The following OCA2 variants were observed in gnomAD, a reference collection of about 807,000 sequenced individuals.
The protein encoded by OCA2 is OCA2 melanosomal transmembrane protein.
In OCA2, 77 loss-of-function variants were observed where a neutral mutation model predicts 100.2. The observed-to-expected ratio is 0.77, with a 90% CI of 0.64 to 0.93. The LOEUF is 0.93. Among genes scored for constraint, OCA2 ranks in the 40% least tolerant of loss-of-function variants. The pLI is 0.00. For missense variants in OCA2, 1,062 were observed against 1,089.1 expected, an observed-to-expected ratio of 0.98 and a Z score of 0.35; for synonymous variants, 432 against 439.2, an observed-to-expected ratio of 0.98 and a Z score of 0.21.
chr15:27,773,201 T>A (rs1207818936), intron 23 of OCA2, among the ~76,000 whole-genome samples: 1 of 152,240 alleles, frequency 6.6e-6, no homozygotes, highest in East Asian at 1.9e-4. Flanking sequence ...AGAAATTTAA[T>A]TCTTATTTTT....
intron 2 of OCA2, among the ~76,000 whole-genome samples, chr15:28,055,764 G>A (rs2043673763): frequency 6.6e-6 from 1 of 152,178 alleles, no homozygotes; most frequent in African/African-American, 2.4e-5. Context: ...CTCCCCTCAG[G>A]GACATCTCCC....
the OCA2 span, among the ~76,000 whole-genome samples, chr15:27,729,155 AGT>A: frequency 6.6e-6 from 1 of 152,138 alleles, no homozygotes; most frequent in Non-Finnish European, 1.5e-5. Flanking sequence ...CCTCACCAGC[AGT>A]GTTTTTAATG....
chr15:27,779,277 TTTGGTCTACAG>T (rs1309192598), intron 23 of OCA2, among the ~76,000 whole-genome samples: 2 of 152,194 alleles, frequency 1.3e-5, no homozygotes, highest in African/African-American at 4.8e-5. Context: ...GCTAGGTCCA[TTTGGTCTACAG>T]TGGTTTTCGA....
chr15:28,012,513 C>T (rs559191143), intron 9 of OCA2, among the ~76,000 whole-genome samples: 2 of 152,220 alleles, frequency 1.3e-5, no homozygotes, highest in South Asian at 2.1e-4. Flanking sequence ...TGTGTGGTGG[C>T]CTCTGCTTTT....
At chr15:27,947,670 T>G (rs989932411) in intron 18 of OCA2, among the ~76,000 whole-genome samples, 1 of 152,208 alleles carries the variant, frequency 6.6e-6, no homozygotes, top group Admixed American at 6.5e-5. Flanking sequence ...GAAGGAGCTA[T>G]GACCAATGGG....
At chr15:28,044,567 T>C (rs1429025527) in intron 2 of OCA2, among the ~76,000 whole-genome samples, 4 of 152,226 alleles carry the variant, frequency 2.6e-5, no homozygotes, top group African/African-American at 9.6e-5. Context: ...TCTGAACAAG[T>C]CATGGCTTTA....
chr15:28,054,206 G>A (rs771735940), intron 2 of OCA2, among the ~76,000 whole-genome samples: 4 of 150,354 alleles, frequency 2.7e-5, no homozygotes, highest in Non-Finnish European at 5.9e-5. Flanking sequence ...ACACATGTAT[G>A]TGTGTATGTA....
Position 28,043,344 on chromosome 15 carries a change from T to C in OCA2, c.228-11181A>G, listed in dbSNP as rs552721756. On this transcript the variant is annotated intron_variant, in intron 2 of 23. Transcript: ENST00000354638. This position sits in a 1 kb window ranked among gnomAD's most constrained non-coding sequence, Gnocchi z 4.4. ...CCTGAGCCCAGTGAGACACAAGAAG[T>C]AGACATACCAGAAATAAAGCCAAAC... 3.3e-5 allele frequency among the ~76,000 whole-genome samples: 5 copies of C among 152,238 alleles called. No individual in the cohort carries two copies. Among genetic ancestry groups the C allele is most frequent in the African/African-American group, 1.2e-4 (5 of 41,548 alleles).
chr15:28,042,472 C>CAAAAAA (rs972724008), intron 2 of OCA2, among the ~76,000 whole-genome samples: 1 of 97,276 alleles, frequency 1.0e-5, no homozygotes, highest in Non-Finnish European at 2.2e-5. Flanking sequence ...ACTAAAAATA[C>CAAAAAA]AAAAAAAAAA....
intron 21 of OCA2, among the ~76,000 whole-genome samples, chr15:27,861,902 C>T (rs1222564396): frequency 6.6e-6 from 1 of 152,160 alleles, no homozygotes; most frequent in Non-Finnish European, 1.5e-5. Flanking sequence ...AGGACAGTGG[C>T]ATGTGGTCCT....
At chr15:28,074,599 G>A (rs1018670503) in intron 2 of OCA2, among the ~76,000 whole-genome samples, 24 of 151,478 alleles carry the variant, frequency 1.6e-4, no homozygotes, top group African/African-American at 4.1e-4. Flanking sequence ...GCGTGAACCC[G>A]GGAAGCGGAG....
intron 19 of OCA2, among the ~76,000 whole-genome samples, chr15:27,892,925 A>G (rs2037524618): frequency 6.6e-6 from 1 of 152,248 alleles, no homozygotes; most frequent in Non-Finnish European, 1.5e-5. Flanking sequence ...AAGGAATATT[A>G]TCAACAACTT....
At chr15:28,056,471 C>T (rs1047653799) in intron 2 of OCA2, among the ~76,000 whole-genome samples, 1 of 152,234 alleles carries the variant, frequency 6.6e-6, no homozygotes, top group African/African-American at 2.4e-5. Context: ...CAACACCTGT[C>T]AAGATGTAGG....
chr15:27,916,566 A>G (rs558195265), intron 19 of OCA2, among the ~76,000 whole-genome samples: 16 of 152,356 alleles, frequency 1.1e-4, no homozygotes, highest in African/African-American at 2.2e-4. Context: ...GTTATTCATT[A>G]ACTAACTTTG....
At chr15:27,866,523 C>T (rs1256478285) in intron 21 of OCA2, among the ~76,000 whole-genome samples, 1 of 152,220 alleles carries the variant, frequency 6.6e-6, no homozygotes. Flanking sequence ...GTTCACTTTC[C>T]TATTCATCTG....
At chr15:27,797,776 G>A (rs990919585) in intron 23 of OCA2, among the ~76,000 whole-genome samples, 1 of 152,206 alleles carries the variant, frequency 6.6e-6, no homozygotes, top group Non-Finnish European at 1.5e-5. Flanking sequence ...GAGCTGCAGA[G>A]AGACTGGAGG....
chr15:27,856,560 T>C (rs931811894), intron 21 of OCA2, among the ~76,000 whole-genome samples: 1 of 152,122 alleles, frequency 6.6e-6, no homozygotes, highest in Admixed American at 6.5e-5. Flanking sequence ...TTATGTATGT[T>C]GATTGCTGGC....
chr15:28,054,145 A>T (rs1198245038), intron 2 of OCA2, among the ~76,000 whole-genome samples: 2 of 152,208 alleles, frequency 1.3e-5, no homozygotes, highest in Non-Finnish European at 2.9e-5. Flanking sequence ...TATGTATACA[A>T]ATACTGTACA....
At chr15:28,025,803 G>A (rs2042731583) in intron 4 of OCA2, among the ~76,000 whole-genome samples, 1 of 152,246 alleles carries the variant, frequency 6.6e-6, no homozygotes, top group African/African-American at 2.4e-5. Flanking sequence ...TGATGTATGT[G>A]TGTAGAATGA....
Sources: gnomAD v4.1 joint callset for allele counts (sites outside exome capture counted in the v4.1 genomes callset) on GRCh38, gnomAD v4.1.1 for gene constraint, Gnocchi (gnomAD v3.1) non-coding constraint, MANE v1.5 for transcripts, NCBI Gene and HGNC (gene_info 2026-07-23, HGNC 2026-07-21) for gene names.